PTPN3: variants seen among roughly 807,000 people sequenced by gnomAD.
PTPN3 encodes the protein tyrosine-protein phosphatase non-receptor type 3.
Under a neutral mutation model 132.7 loss-of-function variants are expected in PTPN3, and 96 were observed. The observed-to-expected ratio is 0.72, with a 90% CI of 0.61 to 0.86. The LOEUF (loss-of-function observed/expected upper bound fraction) is 0.86. Among genes scored for constraint, PTPN3 ranks in the 40% least tolerant of loss-of-function variants. The probability of loss-of-function intolerance (pLI) is 0.00; values close to 1 mark genes in which losing one functional copy is unlikely to be tolerated. For missense variants in PTPN3, 1,125 were observed against 1,159.6 expected (o/e 0.97, Z 0.43); for synonymous variants, 398 against 429.0 (o/e 0.93, Z 0.89).
rs1273363843 is a variant in PTPN3, at chr9:109,428,612, A to G, written c.828+9T>C. 13 of 1,612,634 alleles carry G rather than the reference A, an allele frequency of 8.1e-6. No homozygotes were observed. In the East Asian group the frequency reaches 2.9e-4, roughly 36 times the overall value. ...ACGAAACAAAGCAAGCAAAGACATA[A>G]CTACTCACCTGTTTCTGTCGCTGAT... is the stretch of plus-strand genomic sequence containing the variant. On this transcript the variant is annotated intron_variant, in intron 11 of 25. Coordinates refer to ENST00000374541, the MANE Select transcript of PTPN3 (RefSeq NM_002829.4).
At chr9:109,415,124 AT>A (rs1842395558) in intron 14 of PTPN3, among the ~76,000 whole-genome samples, 1 of 151,928 alleles carries the variant, frequency 6.6e-6, no homozygotes, top group Non-Finnish European at 1.5e-5. Context: ...CCATCCATCC[AT>A]CCAAATAGTC....
chr9:109,391,874 G>A, intron 19 of PTPN3, among the ~76,000 whole-genome samples: 1 of 105,780 alleles, frequency 9.5e-6, no homozygotes, highest in Middle Eastern at 4.6e-3. Context: ...TAGATGTGGG[G>A]GGGGGGGGGA....
intron 2 of PTPN3, among the ~76,000 whole-genome samples, chr9:109,459,692 G>A (rs1273841432): frequency 6.6e-6 from 1 of 152,140 alleles, no homozygotes; most frequent in Non-Finnish European, 1.5e-5. Context: ...TGAGAATACA[G>A]GCATTAACCA....
the PTPN3 span, among the ~76,000 whole-genome samples, chr9:109,514,949 C>T: frequency 6.6e-6 from 1 of 152,034 alleles, no homozygotes; most frequent in Non-Finnish European, 1.5e-5. Context: ...CTGCAAATAA[C>T]GTTGTTGTTT....
the PTPN3 span, among the ~76,000 whole-genome samples, chr9:109,537,998 T>C: frequency 6.6e-6 from 1 of 152,238 alleles, no homozygotes; most frequent in Admixed American, 6.5e-5. Flanking sequence ...GCCCTCTCAT[T>C]CACTTTTTGT....
chr9:109,531,350 T>G, the PTPN3 span, among the ~76,000 whole-genome samples: 1 of 152,214 alleles, frequency 6.6e-6, no homozygotes, highest in Non-Finnish European at 1.5e-5. Context: ...TGCTCTCTGA[T>G]GAAGGGCTAA....
At chr9:109,500,838 G>A (rs185770449), upstream of PTPN3, among the ~76,000 whole-genome samples, 81 of 151,024 alleles carry the variant, frequency 5.4e-4, no homozygotes, top group African/African-American at 1.9e-3. Context: ...GAGGTGGGAG[G>A]ATCTCTTGAG....
chr9:109,422,356 G>A (rs1362197708), intron 13 of PTPN3, among the ~76,000 whole-genome samples: 1 of 152,052 alleles, frequency 6.6e-6, no homozygotes, highest in African/African-American at 2.4e-5. Flanking sequence ...TTATTTTGTG[G>A]GATATTAATG....
intron 22 of PTPN3, among the ~76,000 whole-genome samples, chr9:109,387,392 T>G (rs971475725): frequency 2.0e-5 from 3 of 152,230 alleles, no homozygotes; most frequent in Non-Finnish European, 4.4e-5. Flanking sequence ...TAGAGCTTTG[T>G]GCTGCCTCAA....
At chr9:109,381,897 G>A in intron 24 of PTPN3, 110 bp from the exon 25 acceptor site, 10 of 1,352,896 alleles carry the variant, frequency 7.4e-6, no homozygotes, top group South Asian at 6.3e-5. Flanking sequence ...CTTGGCCTTC[G>A]AGAAGACAAA....
chr9:109,400,742 C>G (rs1841019021), intron 19 of PTPN3, among the ~76,000 whole-genome samples: 1 of 152,180 alleles, frequency 6.6e-6, no homozygotes, highest in South Asian at 2.1e-4. Context: ...ATGACAGCAT[C>G]TATATAGGGC....
chr9:109,479,314 A>G lies in PTPN3; in HGVS notation c.-17-15863T>C, dbSNP rs150670026. Among the ~76,000 whole-genome samples the G allele has an allele frequency of 9.2e-5, 14 of 152,304 alleles. No individual in the cohort carries two copies. The East Asian group carries it at 2.5e-3, about 27-fold the overall frequency. On this transcript the variant is annotated intron_variant, in intron 1 of 25. Coordinates refer to ENST00000374541, the MANE Select transcript of PTPN3 (RefSeq NM_002829.4). ...TATTTGAGTCTGGCTTATTTCACTT[A>G]GCATGTTTTTAAGGTTCCTCCATAT...
chr9:109,428,758 C>T, intron 10 of PTPN3, 74 bp from the exon 11 acceptor site: 1 of 1,539,172 alleles, frequency 6.5e-7, no homozygotes, highest in Non-Finnish European at 8.7e-7. Flanking sequence ...CCTCTCAATG[C>T]ATGTCCTTTA....
At chr9:109,493,258 A>G (rs1847538327) in intron 1 of PTPN3, among the ~76,000 whole-genome samples, 1 of 152,120 alleles carries the variant, frequency 6.6e-6, no homozygotes, top group African/African-American at 2.4e-5. Flanking sequence ...ACAAACAAAC[A>G]AACAAAAACC....
At chr9:109,485,919 C>T (rs550753081) in intron 1 of PTPN3, among the ~76,000 whole-genome samples, 48 of 152,338 alleles carry the variant, frequency 3.2e-4, no homozygotes, top group African/African-American at 1.1e-3. Flanking sequence ...AAAATTCTTT[C>T]AATAGCAAAT....
chr9:109,493,694 G>A (rs147356201), intron 1 of PTPN3, among the ~76,000 whole-genome samples: 5 of 152,258 alleles, frequency 3.3e-5, no homozygotes, highest in East Asian at 1.9e-4. Context: ...TTCAGAAAAC[G>A]CAGTCAGCAC....
intron 2 of PTPN3, among the ~76,000 whole-genome samples, chr9:109,462,463 A>G (rs3935785): frequency 0.89 from 135,865 of 152,220 alleles, 60,922 homozygotes; most frequent in African/African-American, 0.97. Context: ...CTCTCATCCC[A>G]TCTTCTCTTC....
At chr9:109,499,753 C>T (rs1005368311), upstream of PTPN3, among the ~76,000 whole-genome samples, 4 of 152,228 alleles carry the variant, frequency 2.6e-5, no homozygotes, top group South Asian at 2.1e-4. Flanking sequence ...CGGAGTCGCA[C>T]GTCCCGGGAT....
the PTPN3 span, among the ~76,000 whole-genome samples, chr9:109,530,086 C>A: frequency 3.3e-5 from 5 of 152,136 alleles, no homozygotes; most frequent in African/African-American, 9.7e-5. Context: ...ATATTAATAA[C>A]ATAACATTAC....
Sources: allele counts gnomAD v4.1 joint callset (sites outside exome capture counted in the v4.1 genomes callset), GRCh38; gene constraint gnomAD v4.1.1; transcripts MANE v1.5; gene names NCBI Gene and HGNC (gene_info 2026-07-23, HGNC 2026-07-21).